SIAH1: variants seen among roughly 807,000 people sequenced by gnomAD.
SIAH1 encodes the protein siah E3 ubiquitin protein ligase 1, also known as E3 ubiquitin-protein ligase SIAH1.
In SIAH1, 2 loss-of-function variants were observed where a neutral mutation model predicts 20.0. The observed-to-expected ratio is 0.10, with a 90% confidence interval of 0.04 to 0.31. The LOEUF is 0.31. Among genes scored for constraint, SIAH1 ranks in the 10% least tolerant of loss-of-function variants. The probability of loss-of-function intolerance (pLI) is 1.00; values close to 1 mark genes in which losing one functional copy is unlikely to be tolerated. For missense variants in SIAH1, 119 were observed against 355.3 expected, an observed-to-expected ratio of 0.33 and a Z score of 5.35; for synonymous variants, 118 against 125.3, an observed-to-expected ratio of 0.94 and a Z score of 0.39.
chr16:48,370,970 TGGGTG>T (rs1210482261), intron 1 of SIAH1, among the ~76,000 whole-genome samples: 6 of 151,770 alleles, frequency 4.0e-5, no homozygotes, highest in Non-Finnish European at 7.4e-5. Context: ...AAAAATTAGC[TGGGTG>T]TGGTGGCAGG....
chr16:48,384,504 G>T (rs1472307377), intron 1 of SIAH1, among the ~76,000 whole-genome samples: 1 of 152,160 alleles, frequency 6.6e-6, no homozygotes, highest in Non-Finnish European at 1.5e-5. Flanking sequence ...TTTATAATAA[G>T]CTAGAGCTTC....
At chr16:48,364,577 C>A (rs1266048697) in intron 1 of SIAH1, among the ~76,000 whole-genome samples, 1 of 152,146 alleles carries the variant, frequency 6.6e-6, no homozygotes, top group Non-Finnish European at 1.5e-5. Context: ...GTATTCTGTC[C>A]CCTGACAAAG....
chr16:48,376,499 T>C (rs1961113039), intron 1 of SIAH1, among the ~76,000 whole-genome samples: 1 of 152,110 alleles, frequency 6.6e-6, no homozygotes, highest in Non-Finnish European at 1.5e-5. Flanking sequence ...AAATCTTATT[T>C]ATTTTTTCTT....
At chr16:48,387,017 T>C (rs1032279376), upstream of SIAH1, 1 of 152,218 alleles carries the variant, frequency 6.6e-6, no homozygotes, top group African/African-American at 2.4e-5. Flanking sequence ...AAAATAACAG[T>C]CTGTCTCTGG....
upstream of SIAH1, among the ~76,000 whole-genome samples, chr16:48,386,494 G>A (rs1173719725): frequency 6.6e-6 from 1 of 152,174 alleles, no homozygotes; most frequent in Non-Finnish European, 1.5e-5. Flanking sequence ...ACAACAGAGC[G>A]AGACTCTGTC....
chr16:48,383,247 A>C (rs1022184707), intron 1 of SIAH1, among the ~76,000 whole-genome samples: 1 of 152,238 alleles, frequency 6.6e-6, no homozygotes, highest in Non-Finnish European at 1.5e-5. Context: ...TGTTTGGCAT[A>C]AACTTTGGGG....
At position 48,362,487 on chromosome 16, in the gene SIAH1, A is replaced by T. The variant is rs748161258; in HGVS notation, c.-2-57T>A. On this transcript the variant is annotated intron_variant, in intron 1 of 1. Transcript: ENST00000394725. This position sits in a 1 kb window ranked among gnomAD's most constrained non-coding sequence, Gnocchi z 4.2. ...AATAATTATAACCATGACTTACTTTATAAATAATGTTTACATGCCATAAGT... is the reference window on the plus strand; with the variant it reads ...AATAATTATAACCATGACTTACTTTTTAAATAATGTTTACATGCCATAAGT... The T allele has an allele frequency of 6.4e-7, 1 of 1,563,334 alleles. No individual in the cohort carries two copies. Among genetic ancestry groups the T allele is most frequent in the Non-Finnish European group, 8.8e-7 (1 of 1,140,844 alleles).
chr16:48,381,272 G>C (rs889805404), intron 1 of SIAH1, among the ~76,000 whole-genome samples: 2 of 152,118 alleles, frequency 1.3e-5, no homozygotes, highest in African/African-American at 2.4e-5. Context: ...TTGAACCCAG[G>C]AGGTGGAAGT....
intron 1 of SIAH1, among the ~76,000 whole-genome samples, chr16:48,379,532 A>T (rs1360302873): frequency 2.0e-5 from 3 of 152,214 alleles, no homozygotes; most frequent in Admixed American, 2.0e-4. Flanking sequence ...AGGCTAGAAG[A>T]GTTTAATAAG....
At chr16:48,383,935 G>C (rs1441597139) in intron 1 of SIAH1, among the ~76,000 whole-genome samples, 1 of 152,194 alleles carries the variant, frequency 6.6e-6, no homozygotes, top group African/African-American at 2.4e-5. Flanking sequence ...AACTTAGTAT[G>C]GGGCTGCCAC....
At chr16:48,373,290 T>C (rs1481207861) in intron 1 of SIAH1, among the ~76,000 whole-genome samples, 2 of 152,190 alleles carry the variant, frequency 1.3e-5, no homozygotes, top group Non-Finnish European at 2.9e-5. Flanking sequence ...CAGATTTGTC[T>C]GAAACCCCAG....
chr16:48,379,524 G>A (rs933193329), intron 1 of SIAH1, among the ~76,000 whole-genome samples: 2 of 152,146 alleles, frequency 1.3e-5, no homozygotes, highest in South Asian at 2.1e-4. Flanking sequence ...CAACGAAAAG[G>A]CTAGAAGAGT....
upstream of SIAH1, chr16:48,385,581 C>T (rs988554703): frequency 2.6e-5 from 4 of 152,084 alleles, no homozygotes; most frequent in South Asian, 2.1e-4. Context: ...GTGCGGGTCT[C>T]CAAAGGCGGC....
chr16:48,374,423 C>T (rs541777290), intron 1 of SIAH1, among the ~76,000 whole-genome samples: 2 of 152,236 alleles, frequency 1.3e-5, no homozygotes, highest in Non-Finnish European at 2.9e-5. Context: ...CCAACTATCT[C>T]GAAAGTGTTG....
chr16:48,365,216 C>A, intron 1 of SIAH1: 1 of 671,894 alleles, frequency 1.5e-6, no homozygotes, highest in Non-Finnish European at 2.5e-6. Flanking sequence ...CATGACGTAA[C>A]CTGAAGTTTG....
At chr16:48,384,003 CT>C (rs998683730) in intron 1 of SIAH1, among the ~76,000 whole-genome samples, 9 of 152,352 alleles carry the variant, frequency 5.9e-5, no homozygotes, top group African/African-American at 2.2e-4. Context: ...GAGGTAGATA[CT>C]GTCGTTACAC....
intron 1 of SIAH1, among the ~76,000 whole-genome samples, chr16:48,377,907 G>A (rs952020004): frequency 4.0e-5 from 6 of 151,726 alleles, no homozygotes; most frequent in Admixed American, 3.3e-4. Context: ...GTGAGATCTC[G>A]TCTCTAATAA....
intron 1 of SIAH1, among the ~76,000 whole-genome samples, chr16:48,381,293 T>A (rs1157959676): frequency 6.6e-6 from 1 of 152,078 alleles, no homozygotes; most frequent in Non-Finnish European, 1.5e-5. Context: ...TGCAGTGAGC[T>A]GAGATTGTGC....
At chr16:48,384,487 T>C (rs575886760) in intron 1 of SIAH1, among the ~76,000 whole-genome samples, 1 of 152,106 alleles carries the variant, frequency 6.6e-6, no homozygotes, top group Non-Finnish European at 1.5e-5. Flanking sequence ...CCCTAGGAAA[T>C]GCCAGGTTTA....
Sources: allele counts gnomAD v4.1 joint callset (sites outside exome capture counted in the v4.1 genomes callset), GRCh38; gene constraint gnomAD v4.1.1; non-coding constraint Gnocchi (gnomAD v3.1); transcripts MANE v1.5; gene names NCBI Gene and HGNC (gene_info 2026-07-23, HGNC 2026-07-21).